Variants in ESR1 observed in about 807,000 individuals in gnomAD.
ESR1 encodes estrogen receptor.
Under a neutral mutation model 52.7 loss-of-function variants are expected in ESR1, and 12 were observed. The ratio of observed to expected loss-of-function variants is 0.23; its 90% confidence interval spans 0.15 to 0.37. The LOEUF (loss-of-function observed/expected upper bound fraction) is 0.37, where lower values mean the gene tolerates loss of function less well. ESR1 is among the 10% of genes least tolerant of loss of function. The pLI, the probability that ESR1 is intolerant of heterozygous loss-of-function variation, is 1.00. For missense variants in ESR1, 584 were observed against 779.7 expected, an observed-to-expected ratio of 0.75 and a Z score of 2.99; for synonymous variants, 305 against 316.8, an observed-to-expected ratio of 0.96 and a Z score of 0.39.
chr6:151,823,263 C>T (rs1022039199), intron 1 of ESR1, among the ~76,000 whole-genome samples: 17 of 152,122 alleles, frequency 1.1e-4, no homozygotes, highest in African/African-American at 3.9e-4. Flanking sequence ...CCGTTTCCAC[C>T]TGCTTTTCTA....
At chr6:152,022,951 T>C (rs2043808239) in intron 5 of ESR1, among the ~76,000 whole-genome samples, 1 of 147,118 alleles carries the variant, frequency 6.8e-6, no homozygotes, top group Admixed American at 6.9e-5. Context: ...CACTCCAGCC[T>C]GGGCAACAAG....
At chr6:152,078,388 C>A (rs35525869) in intron 6 of ESR1, among the ~76,000 whole-genome samples, 1 of 152,004 alleles carries the variant, frequency 6.6e-6, no homozygotes, top group African/African-American at 2.4e-5. Context: ...AGCCAGGGTT[C>A]ACCCCTTGAA....
chr6:151,829,432 T>C (rs1782027717), intron 1 of ESR1, among the ~76,000 whole-genome samples: 1 of 152,210 alleles, frequency 6.6e-6, no homozygotes, highest in Non-Finnish European at 1.5e-5. Context: ...GTGATTTTTT[T>C]TGTGGGAAAA....
At chr6:151,949,040 T>A (rs1189733596) in intron 4 of ESR1, among the ~76,000 whole-genome samples, 1 of 152,220 alleles carries the variant, frequency 6.6e-6, no homozygotes, top group Non-Finnish European at 1.5e-5. Context: ...AAACTAGAAC[T>A]GCTCTCTAAG....
intron 1 of ESR1, among the ~76,000 whole-genome samples, chr6:151,701,529 CAAAAAAAAAAAA>C (rs57589542): frequency 1.1e-5 from 1 of 89,426 alleles, no homozygotes; most frequent in African/African-American, 4.7e-5. Flanking sequence ...CACTACATCT[CAAAAAAAAAAAA>C]AAAAAAAAAA....
At chr6:152,084,056 A>G (rs1256095165) in intron 6 of ESR1, among the ~76,000 whole-genome samples, 19 of 152,240 alleles carry the variant, frequency 1.2e-4, no homozygotes, top group Admixed American at 1.2e-3. Context: ...GATAAAGAAA[A>G]TGTGGCACAT....
chr6:151,766,529 C>T (rs912288518), intron 2 of ESR1, among the ~76,000 whole-genome samples: 4 of 151,928 alleles, frequency 2.6e-5, no homozygotes, highest in African/African-American at 7.3e-5. Context: ...AAAAATCACA[C>T]GCCTCTTTTT....
chr6:151,913,899 T>G (rs1798655392), intron 3 of ESR1, among the ~76,000 whole-genome samples: 1 of 152,150 alleles, frequency 6.6e-6, no homozygotes, highest in Non-Finnish European at 1.5e-5. Flanking sequence ...ATTTTCAAAG[T>G]ATCATTTTAG....
chr6:151,837,705 T>G (rs184738712), intron 1 of ESR1, among the ~76,000 whole-genome samples: 74 of 152,346 alleles, frequency 4.9e-4, no homozygotes, highest in Non-Finnish European at 8.1e-4. Context: ...GGACATCTAA[T>G]GTCTTAATGT....
At chr6:152,054,011 G>A (rs138554346) in intron 5 of ESR1, among the ~76,000 whole-genome samples, 84 of 151,990 alleles carry the variant, frequency 5.5e-4, no homozygotes, top group African/African-American at 1.8e-3. Context: ...GAAATACCAG[G>A]CACTCATTTA....
At chr6:151,768,633 C>A (rs2485209) in intron 2 of ESR1, among the ~76,000 whole-genome samples, 95,126 of 151,912 alleles carry the variant, frequency 0.63, 30,218 homozygotes, top group African/African-American at 0.71. Flanking sequence ...ATACATGCTG[C>A]TATATGCAAC....
intron 4 of ESR1, among the ~76,000 whole-genome samples, chr6:151,987,710 C>T (rs1375047016): frequency 6.6e-6 from 1 of 152,106 alleles, no homozygotes; most frequent in Non-Finnish European, 1.5e-5. Context: ...ACATCCGGCT[C>T]ACCAAAGTCT....
intron 3 of ESR1, among the ~76,000 whole-genome samples, chr6:151,901,826 A>G (rs1362502430): frequency 1.3e-5 from 2 of 152,080 alleles, no homozygotes; most frequent in Non-Finnish European, 2.9e-5. Flanking sequence ...TGCTTCCTTC[A>G]CAGGGTCTGT....
At chr6:151,966,089 A>C (rs9340917) in intron 4 of ESR1, among the ~76,000 whole-genome samples, 2,852 of 152,188 alleles carry the variant, frequency 0.019, 75 homozygotes, top group East Asian at 0.11. Flanking sequence ...TTCAGAATCG[A>C]TATGTACTGT....
chr6:151,798,074 C>G (rs989269253), intron 2 of ESR1, among the ~76,000 whole-genome samples: 1 of 152,034 alleles, frequency 6.6e-6, no homozygotes, highest in African/African-American at 2.4e-5. Context: ...GGTACACTGC[C>G]GAAAGCGAGG....
chr6:151,758,651 C>T (rs1784444159), intron 2 of ESR1, among the ~76,000 whole-genome samples: 1 of 151,742 alleles, frequency 6.6e-6, no homozygotes, highest in Non-Finnish European at 1.5e-5. Context: ...ATCCCAGCTA[C>T]TCAGGAGGCT....
chr6:151,845,999 T>G (rs1395501979), intron 2 of ESR1, among the ~76,000 whole-genome samples: 1 of 152,090 alleles, frequency 6.6e-6, no homozygotes, highest in African/African-American at 2.4e-5. Flanking sequence ...GATGATGGTG[T>G]CAAGATAGAG....
intron 1 of ESR1, among the ~76,000 whole-genome samples, chr6:151,821,196 C>T (rs543675820): frequency 3.3e-5 from 5 of 151,918 alleles, no homozygotes; most frequent in Admixed American, 2.0e-4. Context: ...TCCTGTTCAC[C>T]GAGGGCATCA....
At chr6:151,999,147 A>G (rs1363808843) in intron 4 of ESR1, among the ~76,000 whole-genome samples, 5 of 152,076 alleles carry the variant, frequency 3.3e-5, no homozygotes, top group African/African-American at 7.2e-5. Flanking sequence ...GGCAAGAAAC[A>G]TGTATTTTGG....
Sources: gnomAD v4.1 joint callset for allele counts (sites outside exome capture counted in the v4.1 genomes callset) on GRCh38, gnomAD v4.1.1 for gene constraint, MANE v1.5 for transcripts, NCBI Gene and HGNC (gene_info 2026-07-23, HGNC 2026-07-21) for gene names.